The following MEF2C variants were observed in gnomAD, a reference collection of about 807,000 sequenced individuals.
MEF2C encodes myocyte enhancer factor 2C, also known as myocyte-specific enhancer factor 2C.
Under a neutral mutation model 50.5 loss-of-function variants are expected in MEF2C, and 6 were observed. That is an observed-to-expected ratio of 0.12 (90% confidence interval 0.07 to 0.23). The LOEUF (loss-of-function observed/expected upper bound fraction) is 0.23, where lower values mean the gene tolerates loss of function less well. Among genes scored for constraint, MEF2C ranks in the 10% least tolerant of loss-of-function variants. The pLI is 1.00. For synonymous variants in MEF2C, 183 were observed against 228.0 expected, an observed-to-expected ratio of 0.80 and a Z score of 1.78; for missense variants, 276 against 605.0, an observed-to-expected ratio of 0.46 and a Z score of 5.70.
At chr5:88,856,692 G>T (rs1399571138) in intron 1 of MEF2C, among the ~76,000 whole-genome samples, 3 of 152,250 alleles carry the variant, frequency 2.0e-5, no homozygotes, top group African/African-American at 7.2e-5. Flanking sequence ...TGCTTCAGAG[G>T]GTTCAAGCTC....
intron 3 of MEF2C, among the ~76,000 whole-genome samples, chr5:88,768,012 C>G (rs1483073277): frequency 6.6e-6 from 1 of 152,196 alleles, no homozygotes; most frequent in Non-Finnish European, 1.5e-5. Context: ...GGCTCTCCTT[C>G]AGGAATGAGC....
At chr5:88,834,801 T>C (rs1814426659) in intron 1 of MEF2C, among the ~76,000 whole-genome samples, 1 of 152,184 alleles carries the variant, frequency 6.6e-6, no homozygotes, top group African/African-American at 2.4e-5. Context: ...CCCCAGTCTC[T>C]TTCTCTATAG....
intron 1 of MEF2C, chr5:88,825,796 A>G: frequency 5.1e-6 from 1 of 194,774 alleles, no homozygotes; most frequent in Non-Finnish European, 9.3e-6. Context: ...AGCTTTCTCT[A>G]TCACAGAAAG....
chr5:88,761,032 T>C (rs768054552), intron 4 of MEF2C, 153 bp downstream of exon 4: 1 of 1,610,842 alleles, frequency 6.2e-7, no homozygotes, highest in Admixed American at 1.7e-5. Context: ...TCTTCATTAA[T>C]TTTTTTGTAT....
chr5:88,733,967 G>C (rs1182486781), intron 6 of MEF2C: 2 of 984,550 alleles, frequency 2.0e-6, no homozygotes, highest in East Asian at 1.1e-4. Flanking sequence ...CAGTAAATTC[G>C]AACAGTATTC....
At chr5:88,737,881 T>C in intron 6 of MEF2C, 1 of 985,206 alleles carries the variant, frequency 1.0e-6, no homozygotes, top group South Asian at 4.7e-5. Flanking sequence ...AGAAAATGAG[T>C]GCCTAAGATA....
At position 88,737,512 on chromosome 5, in the gene MEF2C, C is replaced by A. The variant is rs141867496; in HGVS notation, c.638-5611G>T. Reference sequence around the variant, plus strand: ...CTTCCACACTGACGAGTATTTGTTGCCACAGGTTGTCGTTATATCAAGGTA... The same window carrying A: ...CTTCCACACTGACGAGTATTTGTTGACACAGGTTGTCGTTATATCAAGGTA... On this transcript the variant is annotated intron_variant, in intron 6 of 10. Coordinates refer to ENST00000504921, the MANE Select transcript of MEF2C (RefSeq NM_002397.5). 1.2e-3 allele frequency: 1,135 copies of A among 985,376 alleles called. 11 individuals are homozygous for A. In the African/African-American group the frequency reaches 0.017, roughly 15 times the overall value. The allele number at this position is 985,376 out of a possible 1,614,324, so 61.0% of individuals were successfully genotyped here. A position where few individuals can be genotyped will look rare whatever the true frequency, so the allele number is the denominator to read the frequency against.
At chr5:88,732,630 T>A (rs551260878) in intron 6 of MEF2C, 2 of 152,340 alleles carry the variant, frequency 1.3e-5, no homozygotes, top group South Asian at 4.1e-4. Context: ...GAAAGGGTTT[T>A]CTTAGGTCTC....
intron 6 of MEF2C, chr5:88,741,894 G>A (rs1767012863): frequency 1.0e-6 from 1 of 985,250 alleles, no homozygotes; most frequent in African/African-American, 1.7e-5. Context: ...GGACGTATCA[G>A]TTGGTTATAA....
chr5:88,862,308 A>T (rs1480396090), intron 1 of MEF2C, among the ~76,000 whole-genome samples: 1 of 152,192 alleles, frequency 6.6e-6, no homozygotes, highest in Non-Finnish European at 1.5e-5. Context: ...TCTGTCATAC[A>T]CACAAACACA....
intron 1 of MEF2C, among the ~76,000 whole-genome samples, chr5:88,847,015 G>T (rs1346104962): frequency 6.6e-6 from 1 of 152,164 alleles, no homozygotes; most frequent in African/African-American, 2.4e-5. Flanking sequence ...TTTTTTAAAT[G>T]CAGGAATGAC....
chr5:88,760,663 G>A (rs1365461574), intron 4 of MEF2C, among the ~76,000 whole-genome samples: 1 of 152,214 alleles, frequency 6.6e-6, no homozygotes, highest in Admixed American at 6.5e-5. Context: ...CTTGGAAGGA[G>A]GTTCCAGTGT....
At chr5:88,813,862 G>A (rs1804028735) in intron 2 of MEF2C, among the ~76,000 whole-genome samples, 1 of 152,008 alleles carries the variant, frequency 6.6e-6, no homozygotes, top group Admixed American at 6.6e-5. Context: ...TCAAAGGTTT[G>A]AGGTTTGATC....
chr5:88,790,043 C>T (rs1224638151), intron 3 of MEF2C, among the ~76,000 whole-genome samples: 2 of 152,230 alleles, frequency 1.3e-5, no homozygotes, highest in African/African-American at 4.8e-5. Context: ...TTGGACTCAG[C>T]ATCTTCCTTA....
At chr5:88,765,884 T>A (rs1363289549) in intron 3 of MEF2C, among the ~76,000 whole-genome samples, 1 of 152,218 alleles carries the variant, frequency 6.6e-6, no homozygotes, top group African/African-American at 2.4e-5. Context: ...TGAGCAAGCC[T>A]GTATACTGAA....
intron 1 of MEF2C, among the ~76,000 whole-genome samples, chr5:88,828,840 T>TGA (rs1811945805): frequency 6.6e-6 from 1 of 152,000 alleles, no homozygotes; most frequent in Admixed American, 6.6e-5. Flanking sequence ...CTCCTATTGA[T>TGA]GCTCGACTGC....
chr5:88,824,173 A>G, intron 1 of MEF2C: 1 of 949,518 alleles, frequency 1.1e-6, no homozygotes, highest in Non-Finnish European at 1.3e-6. Context: ...GATGCAAACT[A>G]TGCTTTTTTA....
In MEF2C at chr5:88,822,271, C is replaced by T. The variant is rs114225318; in HGVS notation, c.54+1464G>A. ...ACTATACTCAAAATAGGTTCTGGTC[C>T]AAATAACAAGGTCCAAACAGTGTTA... On this transcript the variant is annotated intron_variant, in intron 2 of 10. Transcript: ENST00000504921. Among the ~76,000 whole-genome samples, 968 of 151,968 alleles carry T rather than the reference C, an allele frequency of 6.4e-3. 15 individuals carry two copies. Among genetic ancestry groups the T allele is most frequent in the African/African-American group, 0.022 (898 of 41,470 alleles).
At chr5:88,864,550 A>G (rs1357867532) in intron 1 of MEF2C, among the ~76,000 whole-genome samples, 2 of 150,960 alleles carry the variant, frequency 1.3e-5, no homozygotes, top group African/African-American at 2.4e-5. Flanking sequence ...ATAAATATAA[A>G]TATGCATATT....
Sources: gnomAD v4.1 joint callset for allele counts (sites outside exome capture counted in the v4.1 genomes callset) on GRCh38, gnomAD v4.1.1 for gene constraint, MANE v1.5 for transcripts, NCBI Gene and HGNC (gene_info 2026-07-23, HGNC 2026-07-21) for gene names.